SUGCT: variants seen among roughly 807,000 people sequenced by gnomAD.
The protein encoded by SUGCT is succinyl-CoA:glutarate CoA-transferase.
SUGCT carries 41 observed loss-of-function variants against 55.0 expected under a neutral mutation model. The ratio of observed to expected loss-of-function variants is 0.74; its 90% CI spans 0.58 to 0.97. The LOEUF is 0.97. Ranked by LOEUF, SUGCT falls within the 50% of genes least tolerant of loss-of-function variation. SUGCT has a pLI of 0.00. For synonymous variants in SUGCT, 187 were observed against 200.4 expected (o/e 0.93, Z 0.56); for missense variants, 568 against 547.8 (o/e 1.04, Z -0.37).
At chr7:40,322,791 T>C (rs1795822175) in intron 9 of SUGCT, among the ~76,000 whole-genome samples, 1 of 151,626 alleles carries the variant, frequency 6.6e-6, no homozygotes, top group African/African-American at 2.4e-5. Flanking sequence ...GTCTCTCAAA[T>C]AAAAAAGAAG....
intron 7 of SUGCT, among the ~76,000 whole-genome samples, chr7:40,257,721 A>C (rs1790906235): frequency 6.6e-6 from 1 of 152,044 alleles, no homozygotes; most frequent in Non-Finnish European, 1.5e-5. Context: ...ACAAAAATAC[A>C]AAAATTAGCC....
At chr7:40,225,074 G>A (rs987974738) in intron 6 of SUGCT, among the ~76,000 whole-genome samples, 1 of 152,180 alleles carries the variant, frequency 6.6e-6, no homozygotes, top group Admixed American at 6.5e-5. Flanking sequence ...AAAATGAAAC[G>A]TATGCATATG....
At chr7:40,891,587 G>A in the SUGCT span, among the ~76,000 whole-genome samples, 1 of 152,118 alleles carries the variant, frequency 6.6e-6, no homozygotes, top group Admixed American at 6.6e-5. Context: ...CAAAAATTAA[G>A]GGGAGACAAA....
At chr7:40,265,058 G>A (rs1380397494) in intron 7 of SUGCT, among the ~76,000 whole-genome samples, 1 of 152,146 alleles carries the variant, frequency 6.6e-6, no homozygotes, top group Non-Finnish European at 1.5e-5. Flanking sequence ...TTCTCCAAAG[G>A]TTGTGTGGTT....
intron 12 of SUGCT, among the ~76,000 whole-genome samples, chr7:40,565,340 T>A (rs1796066239): frequency 6.6e-6 from 1 of 152,210 alleles, no homozygotes; most frequent in Non-Finnish European, 1.5e-5. Context: ...TTGAAGTGGC[T>A]AAATTATTAT....
rs76740298 is a variant in SUGCT at position 40,241,654 on chromosome 7, G to C, written c.576+3928G>C. The stretch of plus-strand genomic sequence containing the variant: ...GAAGTCTTTATGGCCTGGCGTTGTG[G>C]CTCATGCCTGTAATTCCAGCACTTT... On this transcript the variant is annotated intron_variant, in intron 7 of 13. Transcript: ENST00000335693. Among the ~76,000 whole-genome samples, 859 of 151,786 alleles carry C rather than the reference G, an allele frequency of 5.7e-3. 5 individuals carry two copies. Among genetic ancestry groups the C allele is most frequent in the African/African-American group, 0.02 (818 of 41,392 alleles).
chr7:40,899,845 C>T, the SUGCT span, among the ~76,000 whole-genome samples: 2 of 152,192 alleles, frequency 1.3e-5, no homozygotes, highest in African/African-American at 2.4e-5. Flanking sequence ...TTTAACCTGC[C>T]ACTCCTTCCC....
chr7:40,654,619 C>T (rs546436116), intron 12 of SUGCT, among the ~76,000 whole-genome samples: 6 of 152,214 alleles, frequency 3.9e-5, no homozygotes, highest in East Asian at 1.9e-4. Context: ...GATTTAATCT[C>T]GTCCTGCACT....
chr7:40,161,909 T>G (rs1214239699), intron 1 of SUGCT, among the ~76,000 whole-genome samples: 3 of 152,138 alleles, frequency 2.0e-5, no homozygotes, highest in Non-Finnish European at 4.4e-5. Context: ...TTCTTTTTTA[T>G]TTTTTTGAGA....
At chr7:40,181,907 A>C (rs1785234812) in intron 2 of SUGCT, 48 bp from the exon 3 acceptor site, 2 of 1,162,492 alleles carry the variant, frequency 1.7e-6, no homozygotes. Flanking sequence ...ATTAATATAA[A>C]CATTTTCAAG....
chr7:40,435,614 A>C (rs1788130580), intron 9 of SUGCT, among the ~76,000 whole-genome samples: 1 of 151,934 alleles, frequency 6.6e-6, no homozygotes, highest in African/African-American at 2.4e-5. Flanking sequence ...TCAGCCACCT[A>C]CCCTCCCCAG....
At chr7:40,225,993 C>T (rs894252550) in intron 6 of SUGCT, among the ~76,000 whole-genome samples, 1 of 152,120 alleles carries the variant, frequency 6.6e-6, no homozygotes, top group Non-Finnish European at 1.5e-5. Context: ...CACAGAAGTA[C>T]TCTGTACATG....
At chr7:40,381,346 A>T (rs1784858645) in intron 9 of SUGCT, among the ~76,000 whole-genome samples, 1 of 152,134 alleles carries the variant, frequency 6.6e-6, no homozygotes, top group South Asian at 2.1e-4. Context: ...CAGGAATATT[A>T]TAAGACATTG....
At chr7:40,907,144 A>T in the SUGCT span, among the ~76,000 whole-genome samples, 9 of 33,716 alleles carry the variant, frequency 2.7e-4, no homozygotes, top group Non-Finnish European at 5.5e-4. Context: ...TGTGTGTGAG[A>T]GAGAGAGAGA....
At chr7:40,243,918 A>G (rs2150902017) in intron 7 of SUGCT, among the ~76,000 whole-genome samples, 1 of 152,342 alleles carries the variant, frequency 6.6e-6, no homozygotes, top group Non-Finnish European at 1.5e-5. Flanking sequence ...CACGCCTATA[A>G]TTCCAGCACT....
intron 12 of SUGCT, among the ~76,000 whole-genome samples, chr7:40,716,961 TG>T (rs1274089649): frequency 1.3e-5 from 2 of 152,054 alleles, no homozygotes; most frequent in African/African-American, 2.4e-5. Flanking sequence ...ATGTGCCTTT[TG>T]GGATCAACAA....
At chr7:40,799,884 C>T (rs968739729) in intron 13 of SUGCT, among the ~76,000 whole-genome samples, 3 of 152,172 alleles carry the variant, frequency 2.0e-5, no homozygotes, top group African/African-American at 7.2e-5. Flanking sequence ...GCAAACCTGT[C>T]CCAGATGAAG....
chr7:40,252,659 A>G (rs908245005), intron 7 of SUGCT, among the ~76,000 whole-genome samples: 2 of 151,962 alleles, frequency 1.3e-5, no homozygotes, highest in Non-Finnish European at 2.9e-5. Context: ...AACTTATTTT[A>G]TTTTTTGAAA....
intron 11 of SUGCT, among the ~76,000 whole-genome samples, chr7:40,488,556 T>TA (rs1791512474): frequency 6.6e-6 from 1 of 152,202 alleles, no homozygotes; most frequent in South Asian, 2.1e-4. Flanking sequence ...ATTGTGTACT[T>TA]ACTTTTATCA....
Sources: gnomAD v4.1 joint callset for allele counts (sites outside exome capture counted in the v4.1 genomes callset) on GRCh38, gnomAD v4.1.1 for gene constraint, MANE v1.5 for transcripts, NCBI Gene and HGNC (gene_info 2026-07-23, HGNC 2026-07-21) for gene names.